Variants in PEX5L observed in about 807,000 individuals in gnomAD.
PEX5L encodes the protein peroxisomal biogenesis factor 5 like, also known as PEX5-related protein.
Under a neutral mutation model 84.0 loss-of-function variants are expected in PEX5L, and 30 were observed. The observed-to-expected ratio is 0.36, with a 90% CI of 0.27 to 0.48. The LOEUF is 0.48. PEX5L is among the 20% of genes least tolerant of loss of function. The probability of loss-of-function intolerance (pLI) is 0.99; values close to 1 mark genes in which losing one functional copy is unlikely to be tolerated. For synonymous variants in PEX5L, 270 were observed against 283.1 expected, an observed-to-expected ratio of 0.95 and a Z score of 0.46; for missense variants, 533 against 754.6, an observed-to-expected ratio of 0.71 and a Z score of 3.44.
intron 1 of PEX5L, among the ~76,000 whole-genome samples, chr3:180,006,230 G>A (rs2110443830): frequency 6.6e-6 from 1 of 152,130 alleles, no homozygotes; most frequent in South Asian, 2.1e-4. Flanking sequence ...AATTGCTTCA[G>A]CAACCTTATT....
intron 12 of PEX5L, 74 bp downstream of exon 12, chr3:179,809,397 C>T (rs774443868): frequency 6.6e-5 from 72 of 1,095,014 alleles, no homozygotes; most frequent in Non-Finnish European, 9.6e-5. Flanking sequence ...GTGTGAGGCT[C>T]ATTAGTTGCC....
At chr3:179,818,974 C>T (rs1413322787) in intron 9 of PEX5L, among the ~76,000 whole-genome samples, 1 of 151,370 alleles carries the variant, frequency 6.6e-6, no homozygotes. Context: ...TCCTGAGTAG[C>T]TGGGGACTAC....
chr3:179,892,652 C>T (rs1362986248), intron 3 of PEX5L, among the ~76,000 whole-genome samples: 2 of 152,058 alleles, frequency 1.3e-5, no homozygotes, highest in African/African-American at 4.8e-5. Flanking sequence ...AATTTCTTTG[C>T]CGGTTTTAAA....
intron 2 of PEX5L, among the ~76,000 whole-genome samples, chr3:179,913,407 T>C (rs765451350): frequency 2.0e-5 from 3 of 152,168 alleles, no homozygotes; most frequent in Non-Finnish European, 4.4e-5. Context: ...TCTTTAAAGA[T>C]CTTATTGCAA....
intron 1 of PEX5L, among the ~76,000 whole-genome samples, chr3:180,017,842 C>T (rs1416108844): frequency 6.6e-6 from 1 of 152,022 alleles, no homozygotes; most frequent in Non-Finnish European, 1.5e-5. Context: ...CTTGGATAAG[C>T]ACTTCTGAGA....
At chr3:179,853,201 G>C (rs946100948) in intron 8 of PEX5L, among the ~76,000 whole-genome samples, 10 of 152,156 alleles carry the variant, frequency 6.6e-5, no homozygotes, top group African/African-American at 2.2e-4. Context: ...GGACAGAATT[G>C]ATCTTATTCA....
intron 8 of PEX5L, among the ~76,000 whole-genome samples, chr3:179,829,943 ATTTTTTT>A (rs11352022): frequency 4.4e-4 from 37 of 83,630 alleles, no homozygotes; most frequent in East Asian, 7.8e-4. Flanking sequence ...GGCCTGGCTA[ATTTTTTT>A]TTTTTTTTTT....
intron 8 of PEX5L, among the ~76,000 whole-genome samples, chr3:179,850,586 C>T (rs368047855): frequency 1.3e-5 from 2 of 152,110 alleles, no homozygotes; most frequent in East Asian, 3.9e-4. Context: ...GGGAGTTTTG[C>T]CATTTTCCCA....
chr3:179,923,287 T>A (rs1460908874), intron 2 of PEX5L, among the ~76,000 whole-genome samples: 3 of 20,990 alleles, frequency 1.4e-4, no homozygotes, highest in East Asian at 1.4e-3. Context: ...CGAGACTCCA[T>A]CTCAAAAAAA....
At chr3:179,825,720 C>T (rs975441286) in intron 8 of PEX5L, among the ~76,000 whole-genome samples, 4 of 152,148 alleles carry the variant, frequency 2.6e-5, no homozygotes, top group Admixed American at 6.5e-5. Flanking sequence ...GTCACGTGAC[C>T]TTATGCAACT....
chr3:179,849,294 A>G (rs2108431877), intron 8 of PEX5L, among the ~76,000 whole-genome samples: 1 of 152,352 alleles, frequency 6.6e-6, no homozygotes, highest in East Asian at 1.9e-4. Flanking sequence ...TGCCTAAATT[A>G]TGTCTGTGAA....
intron 2 of PEX5L, among the ~76,000 whole-genome samples, chr3:179,936,578 AAC>A (rs1774690874): frequency 2.7e-5 from 1 of 36,556 alleles, no homozygotes; most frequent in African/African-American, 1.0e-4. Flanking sequence ...CTGCCCTGTT[AAC>A]TTTCCAGATA....
chr3:179,831,056 G>C (rs1486631025), intron 8 of PEX5L, among the ~76,000 whole-genome samples: 1 of 152,132 alleles, frequency 6.6e-6, no homozygotes, highest in East Asian at 1.9e-4. Flanking sequence ...GGTGGCTCAC[G>C]CCTGTAATCC....
intron 1 of PEX5L, among the ~76,000 whole-genome samples, chr3:179,999,974 A>G (rs1788244776): frequency 6.6e-6 from 1 of 152,188 alleles, no homozygotes; most frequent in South Asian, 2.1e-4. Flanking sequence ...GTATGCTCTG[A>G]ATCAGCGTCC....
At chr3:179,887,914 T>C (rs1388260728) in intron 3 of PEX5L, 130 bp from the exon 4 acceptor site, 8 of 694,550 alleles carry the variant, frequency 1.2e-5, no homozygotes, top group Non-Finnish European at 2.0e-5. Context: ...AAATAAATAA[T>C]GGGGTGGGGG....
At chr3:179,963,990 T>C (rs181726512) in intron 2 of PEX5L, among the ~76,000 whole-genome samples, 2 of 152,280 alleles carry the variant, frequency 1.3e-5, no homozygotes, top group Admixed American at 6.5e-5. Context: ...CAGGGGTACA[T>C]GTACAGGTTT....
intron 1 of PEX5L, among the ~76,000 whole-genome samples, chr3:179,974,946 C>A (rs1785572869): frequency 6.6e-6 from 1 of 152,118 alleles, no homozygotes; most frequent in African/African-American, 2.4e-5. Context: ...CCTGTAATCC[C>A]AGCACTTTGG....
intron 1 of PEX5L, among the ~76,000 whole-genome samples, chr3:179,995,030 TA>T (rs1336439190): frequency 6.7e-6 from 1 of 149,366 alleles, no homozygotes; most frequent in East Asian, 1.9e-4. Context: ...AGTTAATACT[TA>T]ATAAACTCCC....
intron 2 of PEX5L, among the ~76,000 whole-genome samples, chr3:179,958,701 T>C (rs1781236221): frequency 6.6e-6 from 1 of 152,236 alleles, no homozygotes; most frequent in African/African-American, 2.4e-5. Context: ...AGGAAAGGAA[T>C]ATTTGCAAGG....
Sources: allele counts gnomAD v4.1 joint callset (sites outside exome capture counted in the v4.1 genomes callset), GRCh38; gene constraint gnomAD v4.1.1; transcripts MANE v1.5; gene names NCBI Gene and HGNC (gene_info 2026-07-23, HGNC 2026-07-21).